Variants in NKAIN3 observed in about 807,000 individuals in gnomAD.
NKAIN3 encodes the protein sodium/potassium-transporting ATPase subunit beta-1-interacting protein 3.
In NKAIN3, 25 loss-of-function variants were observed where a neutral mutation model predicts 30.2. The observed-to-expected ratio is 0.83, with a 90% CI of 0.60 to 1.16. The LOEUF (loss-of-function observed/expected upper bound fraction) is 1.16, where lower values mean the gene tolerates loss of function less well. Among genes scored for constraint, NKAIN3 ranks in the 50% most tolerant of loss-of-function variants. NKAIN3 has a pLI of 0.00. For synonymous variants in NKAIN3, 91 were observed against 89.6 expected (o/e 1.02, Z -0.09); for missense variants, 225 against 254.1 (o/e 0.89, Z 0.78).
At chr8:62,559,816 G>GAGAA (rs920292384) in intron 1 of NKAIN3, among the ~76,000 whole-genome samples, 6 of 151,992 alleles carry the variant, frequency 3.9e-5, no homozygotes, top group African/African-American at 1.2e-4. Context: ...AGCTCAAGAG[G>GAGAA]AGAAAGAAAA....
chr8:62,911,253 C>T (rs1472922244), intron 4 of NKAIN3, among the ~76,000 whole-genome samples: 1 of 152,058 alleles, frequency 6.6e-6, no homozygotes, highest in Non-Finnish European at 1.5e-5. Context: ...CTGGAAAAGT[C>T]CCATAGTACT....
chr8:62,725,991 A>G (rs1815244664), intron 3 of NKAIN3, among the ~76,000 whole-genome samples: 1 of 151,854 alleles, frequency 6.6e-6, no homozygotes, highest in African/African-American at 2.4e-5. Flanking sequence ...ATATCTTTTC[A>G]TTGTTTGTGT....
At chr8:62,870,697 A>C (rs56036420) in intron 4 of NKAIN3, among the ~76,000 whole-genome samples, 43,476 of 107,232 alleles carry the variant, frequency 0.41, 10,157 homozygotes, top group Non-Finnish European at 0.44. Context: ...CTCTCTATCT[A>C]TATATCTATA....
chr8:62,423,909 A>G (rs553218173), intron 1 of NKAIN3, among the ~76,000 whole-genome samples: 1 of 152,106 alleles, frequency 6.6e-6, no homozygotes, highest in South Asian at 2.1e-4. Context: ...CATTTCATGT[A>G]TTTTTACTTA....
Position 62,967,276 on chromosome 8 carries a change from G to C in NKAIN3, c.*1869G>C, listed in dbSNP as rs1823735338. On this transcript the variant is annotated 3_prime_UTR_variant, in exon 7 of 7. Coordinates refer to ENST00000623646, the MANE Select transcript of NKAIN3 (RefSeq NM_001304533.3). ...AGAGAACATGGGAGCAAAAGTTGGG[G>C]TTTGGGTCCCATCCACCACCATGTT... Among the ~76,000 whole-genome samples, 1 of 152,140 alleles carries C rather than the reference G, an allele frequency of 6.6e-6. No homozygotes were observed. Among genetic ancestry groups the C allele is most frequent in the South Asian group, 2.1e-4 (1 of 4,828 alleles).
intron 1 of NKAIN3, among the ~76,000 whole-genome samples, chr8:62,302,950 G>A (rs1814102955): frequency 6.7e-6 from 1 of 150,240 alleles, no homozygotes; most frequent in African/African-American, 2.5e-5. Flanking sequence ...TAGGAACACA[G>A]TGGCCTCTTG....
intron 3 of NKAIN3, among the ~76,000 whole-genome samples, chr8:62,636,310 G>C (rs1233866442): frequency 3.3e-5 from 5 of 152,038 alleles, no homozygotes; most frequent in African/African-American, 1.2e-4. Context: ...CATTTTTTGA[G>C]TTTCCAAAAA....
At chr8:62,813,600 C>T (rs150535139) in intron 4 of NKAIN3, among the ~76,000 whole-genome samples, 142 of 151,108 alleles carry the variant, frequency 9.4e-4, no homozygotes, top group African/African-American at 3.2e-3. Context: ...TGAGGACTTC[C>T]TTCTATTACT....
chr8:62,417,651 G>A (rs1332985838), intron 1 of NKAIN3, among the ~76,000 whole-genome samples: 1 of 151,994 alleles, frequency 6.6e-6, no homozygotes, highest in Non-Finnish European at 1.5e-5. Context: ...CCTGTTTATT[G>A]GATAAAGCCA....
At chr8:62,798,239 T>C (rs1250466849) in intron 4 of NKAIN3, among the ~76,000 whole-genome samples, 5 of 152,128 alleles carry the variant, frequency 3.3e-5, no homozygotes, top group Non-Finnish European at 1.5e-5. Flanking sequence ...ATGCATCTCC[T>C]GTTGGGTTGC....
chr8:62,911,053 G>A (rs529225346), intron 4 of NKAIN3, among the ~76,000 whole-genome samples: 92 of 152,098 alleles, frequency 6.0e-4, no homozygotes, highest in South Asian at 2.7e-3. Context: ...ATATGTTAAC[G>A]TATACTTTAG....
intron 1 of NKAIN3, among the ~76,000 whole-genome samples, chr8:62,518,811 T>C (rs1248039621): frequency 6.6e-6 from 1 of 152,142 alleles, no homozygotes; most frequent in Non-Finnish European, 1.5e-5. Context: ...TAAGACAGCA[T>C]AAGGAAACAA....
intron 1 of NKAIN3, among the ~76,000 whole-genome samples, chr8:62,341,654 A>G (rs1815750770): frequency 6.6e-6 from 1 of 152,038 alleles, no homozygotes; most frequent in Admixed American, 6.6e-5. Context: ...TGAAGAGTCA[A>G]ACCTGATGTC....
intron 4 of NKAIN3, among the ~76,000 whole-genome samples, chr8:62,917,235 T>C (rs180762045): frequency 6.6e-6 from 1 of 152,244 alleles, no homozygotes; most frequent in Admixed American, 6.5e-5. Context: ...GCCTCTTGCC[T>C]TCTGACTCTT....
At position 62,936,357 on chromosome 8, in the gene NKAIN3, G is replaced by A. The variant is rs139669418; in HGVS notation, c.533-17545G>A. ...CACTGTGGTCTCAGTTGTCAAGCAT[G>A]TCCTGCTCTTAGCTGTCAGCACTCC... On this transcript the variant is annotated intron_variant, in intron 5 of 6. Transcript: ENST00000623646. Among the ~76,000 whole-genome samples the A allele has an allele frequency of 8.9e-4, 136 of 152,210 alleles. 1 individual carries two copies. The Middle Eastern group carries it at 0.02, about 23-fold the overall frequency.
At chr8:62,389,827 C>T (rs1817537084) in intron 1 of NKAIN3, among the ~76,000 whole-genome samples, 1 of 151,962 alleles carries the variant, frequency 6.6e-6, no homozygotes. Flanking sequence ...AGCAGTAGTG[C>T]CTTATCTTAG....
At chr8:62,871,176 G>A (rs1301476654) in intron 4 of NKAIN3, among the ~76,000 whole-genome samples, 1 of 151,932 alleles carries the variant, frequency 6.6e-6, no homozygotes. Context: ...CAAAGTGGGT[G>A]GATCACCTGA....
At chr8:62,449,810 C>T (rs1585821021) in intron 1 of NKAIN3, among the ~76,000 whole-genome samples, 2 of 152,170 alleles carry the variant, frequency 1.3e-5, no homozygotes, top group Admixed American at 6.5e-5. Context: ...CATTACACTT[C>T]GGTGTGGGCC....
At chr8:62,256,380 C>G (rs1029812209) in intron 1 of NKAIN3, among the ~76,000 whole-genome samples, 3 of 152,156 alleles carry the variant, frequency 2.0e-5, no homozygotes, top group Admixed American at 1.3e-4. Flanking sequence ...GATCATGCCA[C>G]TGCATTCCAG....
Sources: allele counts gnomAD v4.1 joint callset (sites outside exome capture counted in the v4.1 genomes callset), GRCh38; gene constraint gnomAD v4.1.1; transcripts MANE v1.5; gene names NCBI Gene and HGNC (gene_info 2026-07-23, HGNC 2026-07-21).